The following C8orf34 variants were observed in gnomAD, a reference collection of about 807,000 sequenced individuals.
C8orf34 encodes uncharacterized protein C8orf34.
C8orf34 carries 65 observed loss-of-function variants against 68.3 expected under a neutral mutation model. The observed-to-expected ratio is 0.95, with a 90% CI of 0.78 to 1.17. The LOEUF (loss-of-function observed/expected upper bound fraction) is 1.17, where lower values mean the gene tolerates loss of function less well. Among genes scored for constraint, C8orf34 ranks in the 50% most tolerant of loss-of-function variants. The pLI is 0.00. For missense variants in C8orf34, 664 were observed against 655.4 expected, an observed-to-expected ratio of 1.01 and a Z score of -0.14; for synonymous variants, 244 against 241.2, an observed-to-expected ratio of 1.01 and a Z score of -0.11.
intron 4 of C8orf34, among the ~76,000 whole-genome samples, chr8:68,471,280 A>G (rs1046209191): frequency 8.6e-5 from 13 of 151,954 alleles, no homozygotes; most frequent in African/African-American, 2.9e-4. Context: ...CTCTTTGACT[A>G]TTTTTCTGAG....
chr8:68,723,343 G>T (rs1266832723), intron 10 of C8orf34, among the ~76,000 whole-genome samples: 1 of 152,010 alleles, frequency 6.6e-6, no homozygotes, highest in African/African-American at 2.4e-5. Flanking sequence ...TTTAACCAAT[G>T]CTTACATTGT....
At chr8:68,404,004 C>T (rs969950186) in intron 1 of C8orf34, among the ~76,000 whole-genome samples, 5 of 152,270 alleles carry the variant, frequency 3.3e-5, no homozygotes, top group South Asian at 2.1e-4. Flanking sequence ...AGTGTAAAAG[C>T]GTTCCTATTT....
At chr8:68,648,148 A>G (rs1819235180) in intron 8 of C8orf34, among the ~76,000 whole-genome samples, 4 of 152,180 alleles carry the variant, frequency 2.6e-5, no homozygotes, top group Admixed American at 2.6e-4. Context: ...GGCTGGACTT[A>G]TAGAAGATTC....
intron 11 of C8orf34, among the ~76,000 whole-genome samples, chr8:68,780,469 T>G (rs16935039): frequency 0.033 from 5,002 of 152,316 alleles, 260 homozygotes; most frequent in African/African-American, 0.11. Context: ...ATTTTGCATT[T>G]ACTTTGTAAT....
chr8:68,505,036 A>T (rs1813946341), intron 5 of C8orf34, among the ~76,000 whole-genome samples: 1 of 151,902 alleles, frequency 6.6e-6, no homozygotes, highest in African/African-American at 2.4e-5. Context: ...GCTAGTCTCG[A>T]ACTCTTGACC....
rs1336575404 is a variant in C8orf34, at chr8:68,603,525, CTATCTATCTATCT to C, written c.1106-36850_1106-36838del. 7.2e-3 allele frequency among the ~76,000 whole-genome samples: 861 copies of C among 119,558 alleles called. 18 individuals are homozygous for C. Among genetic ancestry groups the C allele is most frequent in the African/African-American group, 0.023 (821 of 36,094 alleles). The allele number at this position is 119,558 out of a possible 152,430, so 78.4% of individuals were successfully genotyped here. On this transcript the variant is annotated intron_variant, in intron 7 of 13. Coordinates refer to ENST00000518698, the MANE Select transcript of C8orf34 (RefSeq NM_052958.4). The stretch of plus-strand genomic sequence containing the variant: ...TATGTATATGTATATATACATATAT[CTATCTATCTATCT>C]ATCTATCTATCTATCTATCTATCTA...
At chr8:68,814,206 C>G (rs1410798344) in intron 12 of C8orf34, among the ~76,000 whole-genome samples, 5 of 152,182 alleles carry the variant, frequency 3.3e-5, no homozygotes, top group Non-Finnish European at 5.9e-5. Flanking sequence ...ATCAACATCT[C>G]TTGGGAATTA....
intron 12 of C8orf34, among the ~76,000 whole-genome samples, chr8:68,796,586 T>C (rs1016446266): frequency 1.3e-5 from 2 of 152,170 alleles, no homozygotes; most frequent in African/African-American, 4.8e-5. Flanking sequence ...ATATCATTGA[T>C]ATAACAACAG....
chr8:68,738,363 A>G (rs1434094101), intron 10 of C8orf34, among the ~76,000 whole-genome samples: 1 of 152,072 alleles, frequency 6.6e-6, no homozygotes, highest in Non-Finnish European at 1.5e-5. Flanking sequence ...ATCTCAATTT[A>G]GCAATCTAAC....
At chr8:68,657,294 ATATT>A (rs1240776184) in intron 8 of C8orf34, among the ~76,000 whole-genome samples, 1 of 152,136 alleles carries the variant, frequency 6.6e-6, no homozygotes, top group Non-Finnish European at 1.5e-5. Context: ...TTCCCAGTAT[ATATT>A]AAGAGGTGGG....
intron 12 of C8orf34, among the ~76,000 whole-genome samples, chr8:68,798,288 CTTT>C (rs10690187): frequency 8.0e-6 from 1 of 125,046 alleles, no homozygotes; most frequent in Non-Finnish European, 1.6e-5. Context: ...TTATGTCTGG[CTTT>C]TTTTTTTTTT....
intron 8 of C8orf34, among the ~76,000 whole-genome samples, chr8:68,692,904 T>G (rs754599324): frequency 1.3e-5 from 2 of 152,054 alleles, no homozygotes; most frequent in Non-Finnish European, 2.9e-5. Context: ...ACTTAGACTA[T>G]AAAACTATCA....
intron 10 of C8orf34, among the ~76,000 whole-genome samples, chr8:68,750,100 C>T (rs889667153): frequency 6.6e-6 from 1 of 152,080 alleles, no homozygotes; most frequent in Non-Finnish European, 1.5e-5. Context: ...ACCAAATAGT[C>T]TACCAAGTCC....
chr8:68,499,028 G>A (rs1048861341), intron 5 of C8orf34, among the ~76,000 whole-genome samples: 1 of 152,152 alleles, frequency 6.6e-6, no homozygotes, highest in African/African-American at 2.4e-5. Context: ...CATCAACCAG[G>A]TAGTGAACAT....
chr8:68,532,893 C>T, intron 6 of C8orf34, 90 bp from the exon 7 acceptor site: 1 of 900,094 alleles, frequency 1.1e-6, no homozygotes, highest in East Asian at 2.6e-5. Context: ...AACATGTCCA[C>T]ATACGTGTGT....
chr8:68,587,646 ATATT>A (rs1429517795), intron 7 of C8orf34, among the ~76,000 whole-genome samples: 1 of 152,174 alleles, frequency 6.6e-6, no homozygotes, highest in East Asian at 1.9e-4. Flanking sequence ...ATTAAAAAGT[ATATT>A]TAATAACAAG....
At chr8:68,776,270 G>C in intron 10 of C8orf34, 129 bp from the exon 11 acceptor site, 2 of 697,046 alleles carry the variant, frequency 2.9e-6, no homozygotes, top group South Asian at 3.6e-5. Flanking sequence ...AATCCCACAA[G>C]TATCAACTGA....
At chr8:68,704,146 C>T (rs961770313) in intron 8 of C8orf34, among the ~76,000 whole-genome samples, 6 of 152,130 alleles carry the variant, frequency 3.9e-5, no homozygotes, top group Non-Finnish European at 8.8e-5. Flanking sequence ...TCCTTTAAGA[C>T]ACTTGCAGTG....
chr8:68,475,744 C>T (rs868338390), intron 4 of C8orf34, among the ~76,000 whole-genome samples: 2 of 152,216 alleles, frequency 1.3e-5, no homozygotes, highest in Admixed American at 6.5e-5. Context: ...CCTTCTACTT[C>T]GTGAGGCACT....
Sources: gnomAD v4.1 joint callset for allele counts (sites outside exome capture counted in the v4.1 genomes callset) on GRCh38, gnomAD v4.1.1 for gene constraint, MANE v1.5 for transcripts, NCBI Gene and HGNC (gene_info 2026-07-23, HGNC 2026-07-21) for gene names.